SMARCA2: variants seen among roughly 807,000 people sequenced by gnomAD.
SMARCA2 encodes the protein SWI/SNF related BAF chromatin remodeling complex subunit ATPase 2.
A neutral mutation model predicts 199.8 loss-of-function variants in SMARCA2; 61 were observed. The ratio of observed to expected loss-of-function variants is 0.31; its 90% CI spans 0.25 to 0.38. The LOEUF is 0.38. Ranked by LOEUF, SMARCA2 falls within the 10% of genes least tolerant of loss-of-function variation. SMARCA2 has a pLI of 1.00. For missense variants in SMARCA2, 1,344 were observed against 2,012.2 expected, an observed-to-expected ratio of 0.67 and a Z score of 6.35; for synonymous variants, 935 against 732.0, an observed-to-expected ratio of 1.28 and a Z score of -4.48.
chr9:2,019,600 C>T (rs1414784090), intron 1 of SMARCA2, among the ~76,000 whole-genome samples: 1 of 151,272 alleles, frequency 6.6e-6, no homozygotes, highest in East Asian at 1.9e-4. Context: ...GACACTTGTG[C>T]AGATAAGTAT....
At chr9:2,101,278 T>C (rs1189937654) in intron 21 of SMARCA2, among the ~76,000 whole-genome samples, 2 of 152,066 alleles carry the variant, frequency 1.3e-5, no homozygotes, top group South Asian at 2.1e-4. Flanking sequence ...GAAATAACTA[T>C]TGGCTCCGCT....
chr9:2,018,961 G>C (rs1280454240), intron 1 of SMARCA2, among the ~76,000 whole-genome samples: 5 of 152,182 alleles, frequency 3.3e-5, no homozygotes, highest in South Asian at 4.1e-4. Context: ...TTGCTGCATT[G>C]TTATGCAAAA....
At chr9:2,143,225 C>G (rs915818591) in intron 27 of SMARCA2, among the ~76,000 whole-genome samples, 2 of 152,038 alleles carry the variant, frequency 1.3e-5, no homozygotes, top group Non-Finnish European at 1.5e-5. Flanking sequence ...GGGAAGTATA[C>G]GAAGGCTTGG....
intron 1 of SMARCA2, among the ~76,000 whole-genome samples, chr9:2,020,207 G>C (rs1818539486): frequency 6.6e-6 from 1 of 151,932 alleles, no homozygotes; most frequent in Non-Finnish European, 1.5e-5. Flanking sequence ...CACATTTAGG[G>C]GCTATTTCTG....
At chr9:2,089,463 C>T (rs959251955) in intron 19 of SMARCA2, among the ~76,000 whole-genome samples, 16 of 152,036 alleles carry the variant, frequency 1.1e-4, no homozygotes, top group Non-Finnish European at 1.5e-4. Flanking sequence ...TTCTGGGTAA[C>T]GACTCTATTT....
At chr9:2,021,997 C>CGAGATCACAGAGACCCGGCGAGATCA (rs1563711171) in intron 1 of SMARCA2, 3 of 150,964 alleles carry the variant, frequency 2.0e-5, no homozygotes, top group African/African-American at 7.3e-5. Flanking sequence ...AGAGACCCGG[C>CGAGATCACAGAGACCCGGCGAGATCA]CTGAAGGAAC....
At chr9:2,068,556 G>A (rs570016136) in intron 9 of SMARCA2, among the ~76,000 whole-genome samples, 144 of 152,284 alleles carry the variant, frequency 9.5e-4, no homozygotes, top group African/African-American at 3.3e-3. Flanking sequence ...AAAGACAGTT[G>A]AGTTATTTTC....
intron 29 of SMARCA2, among the ~76,000 whole-genome samples, chr9:2,176,382 A>C (rs1398283767): frequency 6.6e-6 from 1 of 152,050 alleles, no homozygotes; most frequent in Non-Finnish European, 1.5e-5. Context: ...AGATTACCAA[A>C]AGTAAAATCA....
chr9:2,029,855 A>G (rs12341593), intron 2 of SMARCA2, among the ~76,000 whole-genome samples: 3,006 of 152,320 alleles, frequency 0.02, 94 homozygotes, highest in African/African-American at 0.068. Context: ...CTAAGGTTGT[A>G]ATTATCCTTT....
chr9:2,142,363 T>C (rs896656583), intron 27 of SMARCA2, among the ~76,000 whole-genome samples: 1 of 152,242 alleles, frequency 6.6e-6, no homozygotes, highest in African/African-American at 2.4e-5. Context: ...ATTGGTTGTT[T>C]CAAAGTTAAT....
rs575676456 is a variant in SMARCA2 at position 2,085,852 on chromosome 9, T to G, written c.2527-977T>G. 16 of 152,364 alleles carry G rather than the reference T, an allele frequency of 1.1e-4. No individual in the cohort carries two copies. In the East Asian group the frequency reaches 3.1e-3, roughly 29 times the overall value. 9.4% of individuals were successfully genotyped at this position (152,364 alleles called of 1,614,324 possible). ...AGATGTTTTTCTTGGCCATTGCCAC[T>G]GTTTTGTAGAGAATGGATAGGCTTA... is the stretch of plus-strand genomic sequence containing the variant. On this transcript the variant is annotated intron_variant, in intron 17 of 33. Transcript: ENST00000349721.
rs375056248 is a variant in SMARCA2, at chr9:2,088,879, A to ATTTTT, written c.2883+277_2883+281dup. Among the ~76,000 whole-genome samples, 20 of 137,970 alleles carry ATTTTT rather than the reference A, an allele frequency of 1.4e-4. 1 individual carries two copies. Among genetic ancestry groups the ATTTTT allele is most frequent in the African/African-American group, 4.9e-4 (17 of 34,768 alleles). The allele number at this position is 137,970 out of a possible 152,430, so 90.5% of individuals were successfully genotyped here. ...AGTCTCATTTACATTTTAATTTTAG[A>ATTTTT]TTTTTTTTTTTTTTTAAATTACGGA... On this transcript the variant is annotated intron_variant, in intron 19 of 33. Transcript: ENST00000349721.
intron 27 of SMARCA2, among the ~76,000 whole-genome samples, chr9:2,127,955 C>G (rs1282735607): frequency 2.2e-5 from 3 of 139,192 alleles, no homozygotes; most frequent in Non-Finnish European, 4.4e-5. Flanking sequence ...CAATTTCAAA[C>G]ACAGTTCAGT....
At chr9:2,187,059 A>C (rs1827511670) in intron 32 of SMARCA2, among the ~76,000 whole-genome samples, 1 of 152,186 alleles carries the variant, frequency 6.6e-6, no homozygotes, top group South Asian at 2.1e-4. Flanking sequence ...ACACCTTGAG[A>C]ATCACAGCTT....
chr9:2,148,727 T>G (rs1348669464), intron 27 of SMARCA2, among the ~76,000 whole-genome samples: 3 of 151,546 alleles, frequency 2.0e-5, no homozygotes, highest in African/African-American at 7.2e-5. Flanking sequence ...TAGGCTGGTC[T>G]CTAACTCATG....
chr9:2,182,655 T>TCAA (rs1827133121), intron 31 of SMARCA2, among the ~76,000 whole-genome samples: 1 of 151,476 alleles, frequency 6.6e-6, no homozygotes, highest in African/African-American at 2.4e-5. Flanking sequence ...CCACCATGCC[T>TCAA]GGCTGATTTT....
chr9:2,060,069 T>G (rs959703153), intron 8 of SMARCA2, among the ~76,000 whole-genome samples: 1 of 132,550 alleles, frequency 7.5e-6, no homozygotes, highest in East Asian at 2.2e-4. Flanking sequence ...AGGTGCTAAG[T>G]GACTTGTCTC....
At chr9:2,130,054 C>G (rs1348432024) in intron 27 of SMARCA2, among the ~76,000 whole-genome samples, 3 of 152,004 alleles carry the variant, frequency 2.0e-5, no homozygotes, top group Admixed American at 1.3e-4. Flanking sequence ...GGGTTTTGCC[C>G]CATTTGCCAG....
rs142915780 is a variant in SMARCA2, at chr9:2,027,655, G to C, written c.-36-1332G>C. 14 of 152,236 alleles carry C rather than the reference G, an allele frequency of 9.2e-5. No individual in the cohort carries two copies. In the East Asian group the frequency reaches 2.1e-3, roughly 23 times the overall value. The allele number at this position is 152,236 out of a possible 1,614,324, so 9.4% of individuals were successfully genotyped here. ...TTCAGTGCAAGTGATGGGTCGCTAG[G>C]AGTGGAAAGAATGTGTTTTGTGTAC... is the stretch of plus-strand genomic sequence containing the variant. On this transcript the variant is annotated intron_variant, in intron 1 of 33. Coordinates refer to ENST00000349721, the MANE Select transcript of SMARCA2 (RefSeq NM_003070.5).
Sources: allele counts gnomAD v4.1 joint callset (sites outside exome capture counted in the v4.1 genomes callset), GRCh38; gene constraint gnomAD v4.1.1; transcripts MANE v1.5; gene names NCBI Gene and HGNC (gene_info 2026-07-23, HGNC 2026-07-21).